The following ATP2C2 variants were observed in gnomAD, a reference collection of about 807,000 sequenced individuals.
ATP2C2 encodes the protein calcium-transporting ATPase type 2C member 2.
A neutral mutation model predicts 110.8 loss-of-function variants in ATP2C2; 171 were observed. The observed-to-expected ratio is 1.54, with a 90% CI of 1.36 to 1.75. The LOEUF is 1.75. ATP2C2 is among the 40% of genes most tolerant of loss of function. The probability of loss-of-function intolerance (pLI) is 0.00; values close to 1 mark genes in which losing one functional copy is unlikely to be tolerated. For missense variants in ATP2C2, 1,963 were observed against 1,235.0 expected, an observed-to-expected ratio of 1.59 and a Z score of -8.84; for synonymous variants, 804 against 508.4, an observed-to-expected ratio of 1.58 and a Z score of -7.82.
intron 15 of ATP2C2, 114 bp from the exon 16 acceptor site, chr16:84,446,215 G>A (rs920323180): frequency 2.4e-5 from 12 of 501,894 alleles, no homozygotes; most frequent in African/African-American, 2.0e-4. Context: ...CTAAATGCTT[G>A]GATTTCTTAT....
rs566242763 is a variant in ATP2C2, at chr16:84,463,251, G to C, written c.2723-363G>C. 9.9e-5 allele frequency among the ~76,000 whole-genome samples: 15 copies of C among 151,752 alleles called. No homozygotes were observed. In the East Asian group the frequency reaches 2.9e-3, roughly 30 times the overall value. On this transcript the variant is annotated intron_variant, in intron 26 of 26. Transcript: ENST00000262429. ...CCAGGGAACATGTCGGGGTGCACTG[G>C]ACAGGGAGCCCAGACTGGTCACTCA...
intron 1 of ATP2C2, among the ~76,000 whole-genome samples, chr16:84,371,863 C>G (rs1040161431): frequency 6.6e-5 from 10 of 152,196 alleles, no homozygotes; most frequent in Non-Finnish European, 1.2e-4. Flanking sequence ...GTGCTACCAG[C>G]TGGAGTTGGG....
At chr16:84,444,259 G>C (rs1909545006) in intron 15 of ATP2C2, among the ~76,000 whole-genome samples, 1 of 150,284 alleles carries the variant, frequency 6.7e-6, no homozygotes, top group African/African-American at 2.5e-5. Flanking sequence ...GATCACCTGA[G>C]GTCAGGAGTT....
At position 84,440,798 on chromosome 16, in the gene ATP2C2, A is replaced by C. The variant is rs559344236; in HGVS notation, c.1210-59A>C. The C allele has an allele frequency of 3.0e-6, 4 of 1,355,050 alleles. No homozygotes were observed. The African/African-American group carries it at 5.7e-5, about 19-fold the overall frequency. The allele number at this position is 1,355,050 out of a possible 1,614,324, so 83.9% of individuals were successfully genotyped here. ...ATCCCCAGGACAGAGATTGTGGGCCAACTGGGGGAGCATGTTTTTGACTCT... is the reference window on the plus strand; with the variant it reads ...ATCCCCAGGACAGAGATTGTGGGCCCACTGGGGGAGCATGTTTTTGACTCT... On this transcript the variant is annotated intron_variant, in intron 13 of 26. Transcript: ENST00000262429.
intron 17 of ATP2C2, among the ~76,000 whole-genome samples, chr16:84,450,217 A>G (rs938815433): frequency 6.6e-6 from 1 of 152,174 alleles, no homozygotes; most frequent in Non-Finnish European, 1.5e-5. Flanking sequence ...TGGGAAAACT[A>G]CAACCTGGGA....
intron 20 of ATP2C2, 141 bp downstream of exon 20, chr16:84,453,512 G>A (rs11859752): frequency 0.14 from 162,528 of 1,154,634 alleles, 17,626 homozygotes; most frequent in East Asian, 0.56. Flanking sequence ...CAGCTGCCCC[G>A]GGAGTTACCT....
At chr16:84,445,779 G>A (rs529354892) in intron 15 of ATP2C2, among the ~76,000 whole-genome samples, 2 of 152,348 alleles carry the variant, frequency 1.3e-5, no homozygotes, top group African/African-American at 2.4e-5. Flanking sequence ...AAAAGGAGTA[G>A]TTTTTTGTGC....
chr16:84,381,182 G>C (rs1418295812), intron 1 of ATP2C2, among the ~76,000 whole-genome samples: 1 of 152,200 alleles, frequency 6.6e-6, no homozygotes, highest in Non-Finnish European at 1.5e-5. Flanking sequence ...GCGTGCAGGG[G>C]TGGATCTTTC....
Position 84,451,967 on chromosome 16 carries a change from C to A in ATP2C2, c.1707C>A (p.Leu569=), listed in dbSNP as rs247885. Reference sequence around the variant, plus strand: ...CCGAGCTGGGGCGGCTGACGTTTCTCGGTCTTGTGGGCATCATTGACCCCC... The same window carrying A: ...CCGAGCTGGGGCGGCTGACGTTTCTAGGTCTTGTGGGCATCATTGACCCCC... ...SGPELGRLTF[L]GLVGIIDPPR... The change falls in exon 18 of 27, where the codon CTC becomes CTA. Residue 569 remains leucine (L), a synonymous_variant. Coordinates refer to ENST00000262429, the MANE Select transcript of ATP2C2 (RefSeq NM_014861.4). 1 allele frequency: 1,613,180 copies of A among 1,613,846 alleles called. 806,260 individuals carry two copies. Among genetic ancestry groups the A allele is most frequent in the East Asian group, 1 (44,854 of 44,854 alleles).
intron 2 of ATP2C2, among the ~76,000 whole-genome samples, chr16:84,402,427 C>T (rs999641177): frequency 9.2e-5 from 14 of 152,214 alleles, no homozygotes; most frequent in Non-Finnish European, 1.0e-4. Context: ...CAATATGACA[C>T]TAGCCCTGGG....
chr16:84,417,354 C>T lies in ATP2C2; in HGVS notation c.624+1763C>T, dbSNP rs567587508. 5.9e-5 allele frequency among the ~76,000 whole-genome samples: 9 copies of T among 152,258 alleles called. No individual in the cohort carries two copies. In the South Asian group the frequency reaches 1.4e-3, roughly 25 times the overall value. ...AATTCACCTCTCTGAGCTTCGATCT[C>T]CTCATCTCTAAAAGGGGCTGATGTT... On this transcript the variant is annotated intron_variant, in intron 7 of 26. Transcript: ENST00000262429.
At chr16:84,382,232 G>A (rs1042032110) in intron 1 of ATP2C2, among the ~76,000 whole-genome samples, 10 of 152,032 alleles carry the variant, frequency 6.6e-5, no homozygotes, top group South Asian at 2.1e-4. Flanking sequence ...GAGAACATAC[G>A]GTGTTTGGTT....
rs772179827 is a variant in ATP2C2, at chr16:84,446,012, C to T, written c.1402-317C>T. On this transcript the variant is annotated intron_variant, in intron 15 of 26. Coordinates refer to ENST00000262429, the MANE Select transcript of ATP2C2 (RefSeq NM_014861.4). ...GGCTGTCTCACTGACTCAGGGGGTTCCGTCTGAGAAATTGCTACACCTTCA... is the reference window on the plus strand; with the variant it reads ...GGCTGTCTCACTGACTCAGGGGGTTTCGTCTGAGAAATTGCTACACCTTCA... Among the ~76,000 whole-genome samples the T allele has an allele frequency of 2.6e-5, 4 of 152,224 alleles. No individual in the cohort carries two copies. In the South Asian group the frequency reaches 8.3e-4, roughly 32 times the overall value.
At chr16:84,404,016 C>T (rs527867631) in intron 2 of ATP2C2, among the ~76,000 whole-genome samples, 36 of 152,266 alleles carry the variant, frequency 2.4e-4, no homozygotes, top group East Asian at 7.7e-4. Context: ...CAAAGGATAC[C>T]GATGAAGAGA....
chr16:84,373,120 A>C (rs1227272539), intron 1 of ATP2C2, among the ~76,000 whole-genome samples: 1 of 58,876 alleles, frequency 1.7e-5, no homozygotes, highest in African/African-American at 3.4e-5. Flanking sequence ...ACTCCCTCTC[A>C]AAAAAAAAAA....
chr16:84,416,172 G>A (rs540367409), intron 7 of ATP2C2, among the ~76,000 whole-genome samples: 55 of 152,264 alleles, frequency 3.6e-4, no homozygotes, highest in Non-Finnish European at 6.0e-4. Flanking sequence ...AGAAGCACAC[G>A]CTTTTAGAGT....
intron 3 of ATP2C2, among the ~76,000 whole-genome samples, chr16:84,407,630 C>G (rs1391511338): frequency 6.6e-6 from 1 of 152,018 alleles, no homozygotes; most frequent in Non-Finnish European, 1.5e-5. Context: ...CTCACCATGC[C>G]CAGCTCATTT....
chr16:84,432,516 C>T (rs1055775730), intron 11 of ATP2C2, among the ~76,000 whole-genome samples: 1 of 151,706 alleles, frequency 6.6e-6, no homozygotes, highest in African/African-American at 2.4e-5. Flanking sequence ...GGAGTGAGAA[C>T]ATGCCGTGTT....
intron 21 of ATP2C2, among the ~76,000 whole-genome samples, chr16:84,456,546 C>A (rs925853887): frequency 2.4e-5 from 3 of 123,402 alleles, no homozygotes; most frequent in African/African-American, 9.4e-5. Flanking sequence ...AAGAGGAAGT[C>A]AAATTGTCCC....
Sources: gnomAD v4.1 joint callset for allele counts (sites outside exome capture counted in the v4.1 genomes callset) on GRCh38, gnomAD v4.1.1 for gene constraint, MANE v1.5 for transcripts, NCBI Gene and HGNC (gene_info 2026-07-23, HGNC 2026-07-21) for gene names.